Variants in TRPM6 observed in about 807,000 individuals in gnomAD.
TRPM6 encodes channel kinase 2.
In TRPM6, 111 loss-of-function variants were observed where a neutral mutation model predicts 247.6. That is an observed-to-expected ratio of 0.45 (90% CI 0.38 to 0.52). The LOEUF is 0.52. TRPM6 is among the 20% of genes least tolerant of loss of function. The pLI, the probability that TRPM6 is intolerant of heterozygous loss-of-function variation, is 0.00. For synonymous variants in TRPM6, 892 were observed against 853.8 expected (o/e 1.04, Z -0.78); for missense variants, 2,126 against 2,421.5 (o/e 0.88, Z 2.56).
At chr9:74,866,144 A>G (rs1189428946) in intron 1 of TRPM6, among the ~76,000 whole-genome samples, 1 of 152,216 alleles carries the variant, frequency 6.6e-6, no homozygotes, top group Non-Finnish European at 1.5e-5. Flanking sequence ...TACGTCCAAT[A>G]ATATAAAAAA....
chr9:74,735,124 G>A (rs1002852789), intron 36 of TRPM6, among the ~76,000 whole-genome samples: 3 of 152,092 alleles, frequency 2.0e-5, no homozygotes, highest in Non-Finnish European at 2.9e-5. Flanking sequence ...GGGAAGCTGA[G>A]GTAGGAGGAT....
At chr9:74,748,930 C>T (rs1222104714) in intron 30 of TRPM6, among the ~76,000 whole-genome samples, 2 of 152,168 alleles carry the variant, frequency 1.3e-5, no homozygotes, top group East Asian at 3.9e-4. Flanking sequence ...GAGCAAGCTT[C>T]CAGTCCTGCA....
intron 20 of TRPM6, among the ~76,000 whole-genome samples, chr9:74,787,276 A>G (rs1178274046): frequency 1.3e-5 from 2 of 151,032 alleles, no homozygotes; most frequent in Non-Finnish European, 3.0e-5. Flanking sequence ...CAGAGGTTGC[A>G]GTGAGCCGAG....
chr9:74,825,310 C>T (rs1006675653), intron 7 of TRPM6, among the ~76,000 whole-genome samples: 1 of 152,084 alleles, frequency 6.6e-6, no homozygotes, highest in Admixed American at 6.6e-5. Flanking sequence ...TAAGTATTTT[C>T]ATGCCATCAA....
At chr9:74,794,606 A>G (rs1828023650) in intron 18 of TRPM6, among the ~76,000 whole-genome samples, 1 of 152,206 alleles carries the variant, frequency 6.6e-6, no homozygotes, top group African/African-American at 2.4e-5. Context: ...AAAGCAATTT[A>G]AGTAATGACT....
intron 11 of TRPM6, 147 bp from the exon 12 acceptor site, chr9:74,812,580 A>T (rs79882644): frequency 1.3e-6 from 1 of 766,064 alleles, no homozygotes; most frequent in Non-Finnish European, 2.1e-6. Context: ...AAAAAAAAAA[A>T]GGAAAAAATT....
At chr9:74,797,278 G>A (rs892204008) in intron 17 of TRPM6, among the ~76,000 whole-genome samples, 1 of 152,178 alleles carries the variant, frequency 6.6e-6, no homozygotes, top group African/African-American at 2.4e-5. Flanking sequence ...ATTGTTAAGT[G>A]AAAAGATCAA....
chr9:74,782,155 C>T (rs1219674706), intron 23 of TRPM6, among the ~76,000 whole-genome samples: 1 of 152,118 alleles, frequency 6.6e-6, no homozygotes, highest in African/African-American at 2.4e-5. Context: ...CCACAGATAA[C>T]GATGGATGAC....
At chr9:74,803,097 A>G (rs1828400380) in intron 15 of TRPM6, among the ~76,000 whole-genome samples, 1 of 152,236 alleles carries the variant, frequency 6.6e-6, no homozygotes, top group Admixed American at 6.5e-5. Context: ...TATTTCTATA[A>G]ATAAAAGGAA....
chr9:74,732,261 C>T (rs1337777306), intron 37 of TRPM6, among the ~76,000 whole-genome samples: 1 of 152,140 alleles, frequency 6.6e-6, no homozygotes, highest in African/African-American at 2.4e-5. Flanking sequence ...ACACTTTATG[C>T]CCCTAGCTTT....
intron 37 of TRPM6, among the ~76,000 whole-genome samples, chr9:74,732,235 G>C (rs867416989): frequency 1.3e-5 from 2 of 152,088 alleles, no homozygotes; most frequent in Non-Finnish European, 1.5e-5. Context: ...CATAAGATTT[G>C]CTGTTACTAA....
chr9:74,851,656 C>T lies in TRPM6; in HGVS notation c.152+3871G>A, dbSNP rs989429111. The stretch of plus-strand genomic sequence containing the variant: ...CCCAGCTACTCGGGAGGCTGAGGCA[C>T]GAGAATCGCTTGAACCTGGGAGGTG... On this transcript the variant is annotated intron_variant, in intron 3 of 38. Coordinates refer to ENST00000360774, the MANE Select transcript of TRPM6 (RefSeq NM_017662.5). 2.7e-5 allele frequency among the ~76,000 whole-genome samples: 4 copies of T among 150,862 alleles called. No individual in the cohort carries two copies. In the East Asian group the frequency reaches 5.9e-4, roughly 22 times the overall value.
chr9:74,724,389 T>C lies in TRPM6; in HGVS notation c.*224A>G. 1.7e-6 allele frequency: 1 copy of C among 596,066 alleles called. No individual in the cohort carries two copies. The highest frequency in any genetic ancestry group is 3.0e-6 in the Non-Finnish European group (1 of 337,532). The allele number at this position is 596,066 out of a possible 1,614,324, so 36.9% of individuals were successfully genotyped here. ...GCTGACTCATCCAAGCATCTTCGTG[T>C]GGAACTTGAGGATGGAGCTGCAAAG... On this transcript the variant is annotated 3_prime_UTR_variant, in exon 39 of 39. Coordinates refer to ENST00000360774, the MANE Select transcript of TRPM6 (RefSeq NM_017662.5).
chr9:74,850,720 C>CA (rs912814141), intron 3 of TRPM6, among the ~76,000 whole-genome samples: 188 of 144,690 alleles, frequency 1.3e-3, no homozygotes, highest in African/African-American at 4.4e-3. Flanking sequence ...AACTTCGTCT[C>CA]AAAAAAAAAC....
chr9:74,865,228 AAAGTG>A lies in TRPM6; in HGVS notation c.34-6485_34-6481del, dbSNP rs138830109. On this transcript the variant is annotated intron_variant, in intron 1 of 38. Coordinates refer to ENST00000360774, the MANE Select transcript of TRPM6 (RefSeq NM_017662.5). ...CAAGTAAAGTGCATCAGAAAGGTGAAAAGTGAAGTGATATCATACCCCTTCCTTCC... is the reference window on the plus strand; with the variant it reads ...CAAGTAAAGTGCATCAGAAAGGTGAAAAGTGATATCATACCCCTTCCTTCC... Among the ~76,000 whole-genome samples the A allele has an allele frequency of 5.3e-5, 8 of 152,320 alleles. No homozygotes were observed. The East Asian group carries it at 1.3e-3, about 26-fold the overall frequency.
intron 12 of TRPM6, among the ~76,000 whole-genome samples, chr9:74,811,270 T>C (rs1049978663): frequency 2.6e-5 from 4 of 152,180 alleles, no homozygotes; most frequent in Admixed American, 2.6e-4. Flanking sequence ...GGAGTGTTTA[T>C]AATAATAGAA....
At chr9:74,851,749 A>C (rs1474914501) in intron 3 of TRPM6, among the ~76,000 whole-genome samples, 1 of 99,882 alleles carries the variant, frequency 1.0e-5, no homozygotes, top group Non-Finnish European at 2.2e-5. Flanking sequence ...ACTTTGTCTC[A>C]AAAAAAAAAA....
chr9:74,759,458 G>T (rs545827555), intron 27 of TRPM6, among the ~76,000 whole-genome samples: 6 of 152,058 alleles, frequency 3.9e-5, no homozygotes, highest in African/African-American at 1.4e-4. Flanking sequence ...AGATGTCAAG[G>T]CAACAACAGA....
intron 3 of TRPM6, among the ~76,000 whole-genome samples, chr9:74,853,024 C>G (rs1444552538): frequency 1.7e-4 from 25 of 146,954 alleles, no homozygotes; most frequent in African/African-American, 6.0e-4. Flanking sequence ...CTGCCCGGCC[C>G]CCCGTCGTCT....
Sources: allele counts gnomAD v4.1 joint callset (sites outside exome capture counted in the v4.1 genomes callset), GRCh38; gene constraint gnomAD v4.1.1; transcripts MANE v1.5; gene names NCBI Gene and HGNC (gene_info 2026-07-23, HGNC 2026-07-21).